METTL25: variants seen among roughly 807,000 people sequenced by gnomAD.
METTL25 encodes probable methyltransferase-like protein 25.
A neutral mutation model predicts 71.6 loss-of-function variants in METTL25; 64 were observed. The ratio of observed to expected loss-of-function variants is 0.89; its 90% confidence interval spans 0.73 to 1.10. The LOEUF (loss-of-function observed/expected upper bound fraction) is 1.10. Ranked by LOEUF, METTL25 falls within the 50% of genes least tolerant of loss-of-function variation. The probability of loss-of-function intolerance (pLI) is 0.00; values close to 1 mark genes in which losing one functional copy is unlikely to be tolerated. For missense variants in METTL25, 807 were observed against 707.0 expected, an observed-to-expected ratio of 1.14 and a Z score of -1.60; for synonymous variants, 287 against 250.3, an observed-to-expected ratio of 1.15 and a Z score of -1.38.
chr12:82,418,182 A>G (rs1372651217), intron 5 of METTL25, among the ~76,000 whole-genome samples: 2 of 152,172 alleles, frequency 1.3e-5, no homozygotes, highest in African/African-American at 4.8e-5. Context: ...GTATATATCA[A>G]TGGCTTTTGA....
chr12:82,371,645 C>T (rs1883245251), intron 1 of METTL25, among the ~76,000 whole-genome samples: 1 of 152,116 alleles, frequency 6.6e-6, no homozygotes. Flanking sequence ...ATAACGCCTC[C>T]AGATTTTTTT....
chr12:82,380,336 A>G (rs1022215768), intron 1 of METTL25, among the ~76,000 whole-genome samples: 3 of 152,122 alleles, frequency 2.0e-5, no homozygotes, highest in African/African-American at 7.2e-5. Context: ...ATTCCATGGT[A>G]TATGTAATCT....
At chr12:82,381,325 A>G (rs957170920) in intron 1 of METTL25, among the ~76,000 whole-genome samples, 30 of 152,130 alleles carry the variant, frequency 2.0e-4, no homozygotes, top group African/African-American at 6.8e-4. Context: ...TTTATAAGTA[A>G]TGTAGTTAAG....
chr12:82,399,465 T>A, intron 4 of METTL25, 71 bp downstream of exon 4: 2 of 1,143,900 alleles, frequency 1.7e-6, no homozygotes, highest in Non-Finnish European at 2.5e-6. Context: ...GTAGCTTACT[T>A]AACATACATA....
intron 9 of METTL25, among the ~76,000 whole-genome samples, chr12:82,461,741 T>C (rs1029188749): frequency 2.6e-5 from 4 of 152,150 alleles, no homozygotes; most frequent in Non-Finnish European, 5.9e-5. Context: ...TGAATCTTAC[T>C]AAAGAGTTAA....
intron 2 of METTL25, among the ~76,000 whole-genome samples, chr12:82,387,713 G>A (rs76482750): frequency 5.8e-3 from 174 of 30,242 alleles, no homozygotes; most frequent in Admixed American, 9.5e-3. Flanking sequence ...ACACACACAC[G>A]CGCACACACA....
At chr12:82,398,341 T>G (rs573626382) in intron 3 of METTL25, among the ~76,000 whole-genome samples, 183 of 152,040 alleles carry the variant, frequency 1.2e-3, no homozygotes, top group African/African-American at 4.4e-3. Flanking sequence ...TCAGCCTCCC[T>G]GAGTGCTGGG....
chr12:82,431,543 G>A (rs564080796), intron 6 of METTL25, among the ~76,000 whole-genome samples: 2 of 151,490 alleles, frequency 1.3e-5, no homozygotes, highest in Admixed American at 6.6e-5. Context: ...AAAGTACAAC[G>A]TAAGGACTAT....
At chr12:82,478,828 C>CT in intron 11 of METTL25, 104 bp from the exon 12 acceptor site, 2 of 866,238 alleles carry the variant, frequency 2.3e-6, no homozygotes, top group Non-Finnish European at 1.7e-6. Flanking sequence ...TGTGAAACAG[C>CT]TTTGTTTTTA....
chr12:82,419,859 G>A (rs1888320891), intron 5 of METTL25, among the ~76,000 whole-genome samples: 1 of 152,100 alleles, frequency 6.6e-6, no homozygotes, highest in Non-Finnish European at 1.5e-5. Context: ...TCTGACTTTT[G>A]AGTATGTATC....
intron 1 of METTL25, among the ~76,000 whole-genome samples, chr12:82,372,582 T>C (rs962970321): frequency 4.6e-5 from 7 of 152,190 alleles, no homozygotes; most frequent in Non-Finnish European, 8.8e-5. Flanking sequence ...TATTGTAATT[T>C]GTACTGCCCT....
chr12:82,412,447 C>T (rs754901718), intron 5 of METTL25, among the ~76,000 whole-genome samples: 10 of 151,952 alleles, frequency 6.6e-5, no homozygotes, highest in Non-Finnish European at 1.2e-4. Flanking sequence ...GCAAGTATAC[C>T]TAATGTGGTC....
intron 5 of METTL25, among the ~76,000 whole-genome samples, chr12:82,428,272 C>T (rs937449131): frequency 6.6e-6 from 1 of 151,804 alleles, no homozygotes; most frequent in African/African-American, 2.4e-5. Context: ...CCTCTAGTCT[C>T]AGCAGTTGAG....
chr12:82,370,740 CTT>C, intron 1 of METTL25, among the ~76,000 whole-genome samples: 1 of 152,238 alleles, frequency 6.6e-6, no homozygotes, highest in East Asian at 1.9e-4. Context: ...TTGTCTCTCT[CTT>C]TCTCTCTCTG....
intron 9 of METTL25, among the ~76,000 whole-genome samples, chr12:82,464,004 TATTA>T (rs934193642): frequency 6.6e-6 from 1 of 152,030 alleles, no homozygotes; most frequent in South Asian, 2.1e-4. Context: ...ATATTCTCGA[TATTA>T]ATTCCCAGTT....
chr12:82,377,878 T>A (rs921033713), intron 1 of METTL25, among the ~76,000 whole-genome samples: 4 of 152,212 alleles, frequency 2.6e-5, no homozygotes, highest in Non-Finnish European at 4.4e-5. Flanking sequence ...AAACTTTACA[T>A]ACAATTTTAG....
chr12:82,464,731 T>C (rs1892116670), intron 9 of METTL25, among the ~76,000 whole-genome samples: 1 of 151,990 alleles, frequency 6.6e-6, no homozygotes, highest in African/African-American at 2.4e-5. Flanking sequence ...TTATTAATGC[T>C]TTGGATCCAT....
chr12:82,477,389 T>G (rs1410963494), intron 11 of METTL25, 37 bp downstream of exon 11: 1 of 1,149,650 alleles, frequency 8.7e-7, no homozygotes, highest in Non-Finnish European at 1.3e-6. Context: ...AACAAATATC[T>G]TATTAAATAC....
At chr12:82,447,216 A>T (rs1216379655) in intron 8 of METTL25, among the ~76,000 whole-genome samples, 5 of 152,120 alleles carry the variant, frequency 3.3e-5, no homozygotes, top group Non-Finnish European at 7.4e-5. Context: ...ATATATATAC[A>T]TGCCTCAGCA....
Sources: allele counts gnomAD v4.1 joint callset (sites outside exome capture counted in the v4.1 genomes callset), GRCh38; gene constraint gnomAD v4.1.1; transcripts MANE v1.5; gene names NCBI Gene and HGNC (gene_info 2026-07-23, HGNC 2026-07-21).